RPUSD1: variants seen among roughly 807,000 people sequenced by gnomAD.
RPUSD1 encodes RNA pseudouridine synthase domain containing 1.
In RPUSD1, 28 loss-of-function variants were observed where a neutral mutation model predicts 22.4. The ratio of observed to expected loss-of-function variants is 1.25; its 90% CI spans 0.93 to 1.72. The LOEUF (loss-of-function observed/expected upper bound fraction) is 1.72. RPUSD1 is among the 40% of genes most tolerant of loss of function. The probability of loss-of-function intolerance (pLI) is 0.00; values close to 1 mark genes in which losing one functional copy is unlikely to be tolerated. For synonymous variants in RPUSD1, 298 were observed against 201.0 expected, an observed-to-expected ratio of 1.48 and a Z score of -4.08; for missense variants, 596 against 442.2, an observed-to-expected ratio of 1.35 and a Z score of -3.12.
rs758889609 is a variant in RPUSD1, at chr16:787,359, C to A, written c.301G>T (p.Ala101Ser). 2.5e-6 allele frequency: 4 copies of A among 1,584,496 alleles called. No individual in the cohort carries two copies. The highest frequency in any genetic ancestry group is 1.8e-5 in the Admixed American group (1 of 57,030). The change falls in exon 3 of 6, where the codon GCA becomes TCA. Residue 101 changes from alanine (A) to serine (S), a missense_variant. Ala to Ser is a moderately conservative substitution (Grantham distance 99, BLOSUM62 1). Coordinates refer to ENST00000007264, the MANE Select transcript of RPUSD1 (RefSeq NM_058192.3). ...KERRVTKAYL[A>S]LLRGHIQESR... is the part of the protein sequence containing the mutation. ...CAGGACTGACCAGGTCTTACCAATGCCAGGTAAGCCTTGGTCACGCGCCGC... is the reference window on the plus strand; with the variant it reads ...CAGGACTGACCAGGTCTTACCAATGACAGGTAAGCCTTGGTCACGCGCCGC...
In RPUSD1 at chr16:785,956, G is replaced by A; in HGVS notation, c.933C>T (p.Asp311=). The A allele has an allele frequency of 1.4e-6, 2 of 1,438,316 alleles. No homozygotes were observed. Among genetic ancestry groups the A allele is most frequent in the Non-Finnish European group, 1.8e-6 (2 of 1,098,910 alleles). 89.1% of individuals were successfully genotyped at this position (1,438,316 alleles called of 1,614,324 possible). Residue 311 remains aspartate (D), a synonymous_variant, in exon 6 of 6, where the codon GAC becomes GAT. Coordinates refer to ENST00000007264, the MANE Select transcript of RPUSD1 (RefSeq NM_058192.3). ...TGCCCCAGCCCCACGGCTCTCAGCT[G>A]TCCGGTTCCAGCGTCCACTCCGACA... ...QWLSEWTLEP[D]S
At chr16:786,720 G>A (rs757201314) in intron 5 of RPUSD1, 107 bp downstream of exon 5, 4 of 937,568 alleles carry the variant, frequency 4.3e-6, no homozygotes, top group African/African-American at 1.6e-5. Flanking sequence ...AGGAGTGCTT[G>A]TTGCCAGCTC....
In RPUSD1 at chr16:785,140, A is replaced by T. The variant is rs2041859009; in HGVS notation, c.*810T>A. The T allele has an allele frequency of 5.9e-5, 9 of 152,472 alleles. No individual in the cohort carries two copies. Among genetic ancestry groups the T allele is most frequent in the Admixed American group, 5.9e-4 (9 of 15,286 alleles). The allele number at this position is 152,472 out of a possible 1,614,324, so 9.4% of individuals were successfully genotyped here. A position where few individuals can be genotyped will look rare whatever the true frequency, so the allele number is the denominator to read the frequency against. ...GACAATGCATGGCTGTGTGGGAGCCAGGCAGGCGGTGACGTGGCAGAGCTG... is the reference window on the plus strand; with the variant it reads ...GACAATGCATGGCTGTGTGGGAGCCTGGCAGGCGGTGACGTGGCAGAGCTG... On this transcript the variant is annotated 3_prime_UTR_variant, in exon 6 of 6. Coordinates refer to ENST00000007264, the MANE Select transcript of RPUSD1 (RefSeq NM_058192.3).
intron 3 of RPUSD1, 71 bp downstream of exon 3, chr16:787,283 A>G: frequency 6.5e-7 from 1 of 1,548,184 alleles, no homozygotes; most frequent in South Asian, 1.2e-5. Flanking sequence ...GGAGGCTCTG[A>G]GCCAGGGCTG....
In RPUSD1 at chr16:785,809, G is replaced by A. The variant is rs559225043; in HGVS notation, c.*141C>T. 451 of 720,740 alleles carry A rather than the reference G, an allele frequency of 6.3e-4. 2 individuals are homozygous for A. Among genetic ancestry groups the A allele is most frequent in the African/African-American group, 5.0e-3 (274 of 54,290 alleles). The allele number at this position is 720,740 out of a possible 1,614,324, so 44.6% of individuals were successfully genotyped here. A position where few individuals can be genotyped will look rare whatever the true frequency, so the allele number is the denominator to read the frequency against. On this transcript the variant is annotated 3_prime_UTR_variant, in exon 6 of 6. Coordinates refer to ENST00000007264, the MANE Select transcript of RPUSD1 (RefSeq NM_058192.3). The stretch of plus-strand genomic sequence containing the variant: ...GCCGGCCCCACCTCAGCCCTTCCTC[G>A]CAGGCCTGGCCGGGGCAACCCAGTG...
intron 5 of RPUSD1, 29 bp from the exon 6 acceptor site, chr16:786,406 G>A (rs1374349607): frequency 5.0e-6 from 8 of 1,584,158 alleles, no homozygotes; most frequent in African/African-American, 1.3e-5. Context: ...GCCGGATCAA[G>A]CTGGGAGCGG....
Position 788,237 on chromosome 16 carries a change from C to T in RPUSD1, c.-8+19G>A, listed in dbSNP as rs536999188. 7.6e-6 allele frequency: 3 copies of T among 393,008 alleles called. No homozygotes were observed. Among genetic ancestry groups the T allele is most frequent in the Non-Finnish European group, 1.5e-5 (3 of 202,398 alleles). The allele number at this position is 393,008 out of a possible 1,614,324, so 24.3% of individuals were successfully genotyped here. A position where few individuals can be genotyped will look rare whatever the true frequency, so the allele number is the denominator to read the frequency against. ...TGGCTCCGAGCCCCTCCCGCGCCCA[C>T]GCCCACGCCAAGACCAACCTGCTGC... On this transcript the variant is annotated intron_variant, in intron 1 of 5. Transcript: ENST00000007264.
At position 787,405 on chromosome 16, in the gene RPUSD1, G is replaced by GCTGC. The variant is rs2041979672; in HGVS notation, c.251_254dup (p.Ser85ArgfsTer56). The GCTGC allele has an allele frequency of 6.3e-7, 1 of 1,582,978 alleles. No homozygotes were observed. The highest frequency in any genetic ancestry group is 8.6e-7 in the Non-Finnish European group (1 of 1,164,610). On this transcript the variant is annotated frameshift_variant, in exon 3 of 6. Coordinates refer to ENST00000007264, the MANE Select transcript of RPUSD1 (RefSeq NM_058192.3). LOFTEE classifies it high-confidence loss of function. Reference sequence around the variant, plus strand: ...GCCGCTCCTTGAAGCACCTGTACGCGCTGCCGGCGGCTGCCTTGTTTAGGG... The same window carrying GCTGC: ...GCCGCTCCTTGAAGCACCTGTACGCGCTGCCTGCCGGCGGCTGCCTTGTTTAGGG...
rs1207467894 is a variant in RPUSD1 at position 787,173 on chromosome 16, C to G, written c.313G>C (p.Gly105Arg). The G allele has an allele frequency of 2.5e-6, 4 of 1,603,344 alleles. No individual in the cohort carries two copies. Among genetic ancestry groups the G allele is most frequent in the Non-Finnish European group, 3.4e-6 (4 of 1,178,394 alleles). The change falls in exon 4 of 6, where the codon GGG (glycine) becomes CGG (arginine). Residue 105 changes from glycine to arginine, a missense_variant. By Grantham distance (125) the Gly-to-Arg change is moderately radical. Transcript: ENST00000007264. ...GTTACCCGGCTCTCCTGGATGTGCC[C>G]CCGCAGCTGCAGGAGAGGGAGAATC... is the stretch of plus-strand genomic sequence containing the variant. ...VTKAYLALLR[G>R]HIQESRVTIS...
rs770443066 is a variant in RPUSD1, at chr16:786,133, C to T, written c.756G>A (p.Gln252=). The change falls in exon 6 of 6, where the codon CAG becomes CAA. Residue 252 remains glutamine (Q), a synonymous_variant. Coordinates refer to ENST00000007264, the MANE Select transcript of RPUSD1 (RefSeq NM_058192.3). ...CAGGGTCGGGGGTGGCCCGTAAGGC[C>T]TGCACGAGCTGGTCCAGCGACTGCA... is the stretch of plus-strand genomic sequence containing the variant. ...TLLQSLDQLV[Q]ALRATPDPDP... The T allele has an allele frequency of 5.0e-6, 8 of 1,607,274 alleles. No homozygotes were observed. In the East Asian group the frequency reaches 1.8e-4, roughly 36 times the overall value.
At chr16:786,446 G>T in intron 5 of RPUSD1, 69 bp from the exon 6 acceptor site, 1 of 1,493,380 alleles carries the variant, frequency 6.7e-7, no homozygotes, top group Non-Finnish European at 9.1e-7. Context: ...CCCTGACCAG[G>T]ACCCACCTCC....
At chr16:788,077 G>A in intron 1 of RPUSD1, 179 bp downstream of exon 1, 1 of 485,922 alleles carries the variant, frequency 2.1e-6, no homozygotes. Context: ...CGACGGTGGG[G>A]GCGGGGAGGG....
intron 5 of RPUSD1, 192 bp from the exon 6 acceptor site, chr16:786,569 A>G: frequency 1.3e-6 from 1 of 751,718 alleles, no homozygotes; most frequent in Non-Finnish European, 2.3e-6. Context: ...TCAGGTCACC[A>G]CTGGTGAGGA....
Position 785,715 on chromosome 16 carries a change from G to T in RPUSD1, c.*235C>A. On this transcript the variant is annotated 3_prime_UTR_variant, in exon 6 of 6. Transcript: ENST00000007264. The stretch of plus-strand genomic sequence containing the variant: ...GGGGCATGTGGGCAGGAAGGCCCTC[G>T]GGATCCCGCATCAGTCCCACGGCCG... The T allele has an allele frequency of 2.4e-6, 1 of 409,810 alleles. No homozygotes were observed. Among genetic ancestry groups the T allele is most frequent in the Non-Finnish European group, 4.3e-6 (1 of 234,182 alleles). The allele number at this position is 409,810 out of a possible 1,614,324, so 25.4% of individuals were successfully genotyped here. A position where few individuals can be genotyped will look rare whatever the true frequency, so the allele number is the denominator to read the frequency against.
rs1385905548 is a variant in RPUSD1, at chr16:787,102, G to A, written c.384C>T (p.His128=). The A allele has an allele frequency of 8.7e-6, 14 of 1,607,638 alleles. No individual in the cohort carries two copies. The highest frequency in any genetic ancestry group is 1.2e-5 in the Non-Finnish European group (14 of 1,178,768). ...CCTGCGAGCCCTCGATGCACATGGTGTGGGCCCGGCCCTCCGTGCTGTTCC... is the reference window on the plus strand; with the variant it reads ...CCTGCGAGCCCTCGATGCACATGGTATGGGCCCGGCCCTCCGTGCTGTTCC... The part of the protein sequence containing the change: ...IGRNSTEGRA[H]TMCIEGSQGC... Residue 128 remains histidine (H), a synonymous_variant, in exon 4 of 6, where the codon CAC becomes CAT. Transcript: ENST00000007264.
Position 785,325 on chromosome 16 carries a change from T to A in RPUSD1, c.*625A>T, listed in dbSNP as rs1012454638. 1 of 152,578 alleles carries A rather than the reference T, an allele frequency of 6.6e-6. No homozygotes were observed. Among genetic ancestry groups the A allele is most frequent in the African/African-American group, 2.4e-5 (1 of 41,398 alleles). 9.5% of individuals were successfully genotyped at this position (152,578 alleles called of 1,614,324 possible). ...GGCAGAGAGGGAACCACTGGTACAG[T>A]GAGGCCAAGGCACACGCAGCCGGGC... On this transcript the variant is annotated 3_prime_UTR_variant, in exon 6 of 6. Coordinates refer to ENST00000007264, the MANE Select transcript of RPUSD1 (RefSeq NM_058192.3).
In RPUSD1 at chr16:787,747, G is replaced by A; in HGVS notation, c.-7-3C>T. The A allele has an allele frequency of 1.2e-6, 2 of 1,606,376 alleles. No homozygotes were observed. Among genetic ancestry groups the A allele is most frequent in the South Asian group, 1.1e-5 (1 of 90,972 alleles). On this transcript the variant is annotated splice_region_variant and splice_polypyrimidine_tract_variant and intron_variant, in intron 1 of 5. Coordinates refer to ENST00000007264, the MANE Select transcript of RPUSD1 (RefSeq NM_058192.3). ...CGCTGCCTGGCTCCATGGCCGGCCTGCCGAGCCACGCGTGGGTGCGTGTGC... is the reference window on the plus strand; with the variant it reads ...CGCTGCCTGGCTCCATGGCCGGCCTACCGAGCCACGCGTGGGTGCGTGTGC...
At position 786,366 on chromosome 16, in the gene RPUSD1, G is replaced by T; in HGVS notation, c.523C>A (p.Gln175Lys). 1 of 1,606,204 alleles carries T rather than the reference G, an allele frequency of 6.2e-7. No homozygotes were observed. The highest frequency in any genetic ancestry group is 2.2e-5 in the East Asian group (1 of 44,654). The part of the protein sequence containing the change: ...LLKPLTGRTH[Q>K]LRVHCSALGH... ...AGGGCACTGCAGTGCACGCGCAGCT[G>T]GTGTGTCCGGCCTGCGGGATGAGGG... The change falls in exon 6 of 6, where the codon CAG (glutamine) becomes AAG (lysine). Residue 175 changes from glutamine (Q) to lysine (K), a missense_variant. By Grantham distance (53) the Gln-to-Lys change is moderately conservative. Coordinates refer to ENST00000007264, the MANE Select transcript of RPUSD1 (RefSeq NM_058192.3).
At chr16:788,116 G>C in intron 1 of RPUSD1, 140 bp downstream of exon 1, 1 of 468,876 alleles carries the variant, frequency 2.1e-6, no homozygotes, top group Non-Finnish European at 4.1e-6. Context: ...CCGGCAGCCA[G>C]GTCTGCCCGC....
Sources: allele counts gnomAD v4.1 joint callset, GRCh38; gene constraint gnomAD v4.1.1; transcripts MANE v1.5; gene names NCBI Gene and HGNC (gene_info 2026-07-23, HGNC 2026-07-21).